The following MAPRE2 variants were observed in gnomAD, a reference collection of about 807,000 sequenced individuals.
MAPRE2 encodes microtubule associated protein RP/EB family member 2, also known as microtubule-associated protein RP/EB family member 2.
In MAPRE2, 13 loss-of-function variants were observed where a neutral mutation model predicts 43.2. That is an observed-to-expected ratio of 0.30 (90% CI 0.20 to 0.48). MAPRE2 has a LOEUF of 0.48. Ranked by LOEUF, MAPRE2 falls within the 20% of genes least tolerant of loss-of-function variation. The probability of loss-of-function intolerance (pLI) is 0.99; values close to 1 mark genes in which losing one functional copy is unlikely to be tolerated. For missense variants in MAPRE2, 161 were observed against 400.2 expected, an observed-to-expected ratio of 0.40 and a Z score of 5.10; for synonymous variants, 135 against 148.8, an observed-to-expected ratio of 0.91 and a Z score of 0.68.
chr18:34,982,126 G>C (rs746549863), intron 1 of MAPRE2, among the ~76,000 whole-genome samples: 1 of 151,924 alleles, frequency 6.6e-6, no homozygotes, highest in Non-Finnish European at 1.5e-5. Flanking sequence ...CTCGTAATCC[G>C]CCCACCTCGG....
chr18:35,041,379 G>T, upstream of MAPRE2: 1 of 1,473,594 alleles, frequency 6.8e-7, no homozygotes, highest in African/African-American at 1.4e-5. Flanking sequence ...CAGAGGGCGG[G>T]GCCGCAGGAG....
intron 1 of MAPRE2, among the ~76,000 whole-genome samples, chr18:34,980,261 G>T (rs1011739654): frequency 2.6e-5 from 4 of 151,926 alleles, no homozygotes; most frequent in Non-Finnish European, 5.9e-5. Flanking sequence ...CTGACCTGAG[G>T]TGATCCACCC....
intron 2 of MAPRE2, among the ~76,000 whole-genome samples, chr18:35,074,064 G>A (rs566018631): frequency 6.6e-6 from 1 of 152,230 alleles, no homozygotes; most frequent in South Asian, 2.1e-4. Context: ...TCAAGTAAAA[G>A]GTGAGCTATA....
intron 2 of MAPRE2, among the ~76,000 whole-genome samples, chr18:35,080,870 CTG>C (rs1344404202): frequency 6.6e-6 from 1 of 151,898 alleles, no homozygotes; most frequent in Non-Finnish European, 1.5e-5. Context: ...AGCAAATTAC[CTG>C]TGTTTGTCCC....
Position 35,132,018 on chromosome 18 carries a change from T to C in MAPRE2, c.751-14T>C. The C allele has an allele frequency of 6.2e-7, 1 of 1,613,482 alleles. No homozygotes were observed. The highest frequency in any genetic ancestry group is 8.5e-7 in the Non-Finnish European group (1 of 1,179,676). On this transcript the variant is annotated splice_polypyrimidine_tract_variant and intron_variant, in intron 5 of 6. Transcript: ENST00000300249. Reference sequence around the variant, plus strand: ...TTTGGGTGGTTTTTTTTCTTCACTCTCACTCCCTTGCAGGTACATTCATTA... The same window carrying C: ...TTTGGGTGGTTTTTTTTCTTCACTCCCACTCCCTTGCAGGTACATTCATTA...
chr18:35,104,129 G>A (rs760338572), intron 4 of MAPRE2, among the ~76,000 whole-genome samples: 8 of 152,082 alleles, frequency 5.3e-5, no homozygotes, highest in Non-Finnish European at 8.8e-5. Context: ...GTAGAAAGAG[G>A]GGTCACCAAC....
chr18:35,093,854 A>G (rs1322034907), intron 2 of MAPRE2, among the ~76,000 whole-genome samples: 1 of 152,206 alleles, frequency 6.6e-6, no homozygotes, highest in Non-Finnish European at 1.5e-5. Context: ...ATTCTGTTAT[A>G]CAGTATGGTG....
chr18:34,986,321 TAAC>T (rs1241188775), intron 1 of MAPRE2, among the ~76,000 whole-genome samples: 1 of 152,132 alleles, frequency 6.6e-6, no homozygotes, highest in Non-Finnish European at 1.5e-5. Context: ...CTGATCAATT[TAAC>T]AACATTTGAT....
At chr18:35,002,277 C>T (rs1401174388) in intron 1 of MAPRE2, among the ~76,000 whole-genome samples, 5 of 152,164 alleles carry the variant, frequency 3.3e-5, no homozygotes, top group Non-Finnish European at 5.9e-5. Flanking sequence ...ATAGTTGGTT[C>T]CTTCTTATTG....
At chr18:35,058,597 A>T (rs1401134576) in intron 1 of MAPRE2, among the ~76,000 whole-genome samples, 1 of 152,206 alleles carries the variant, frequency 6.6e-6, no homozygotes, top group Non-Finnish European at 1.5e-5. Context: ...GCACGATGTG[A>T]TGACTCCTAC....
intron 1 of MAPRE2, chr18:34,988,578 A>T (rs1313648496): frequency 6.6e-6 from 1 of 152,142 alleles, no homozygotes; most frequent in African/African-American, 2.4e-5. Context: ...TTGTTTAATG[A>T]TCTGCTTCAT....
chr18:35,089,915 A>G (rs1012556342), intron 2 of MAPRE2, among the ~76,000 whole-genome samples: 1 of 152,230 alleles, frequency 6.6e-6, no homozygotes, highest in Non-Finnish European at 1.5e-5. Flanking sequence ...GATCAGTAAA[A>G]TGTGGTAATT....
At chr18:35,117,442 G>A (rs1909465793) in intron 4 of MAPRE2, among the ~76,000 whole-genome samples, 1 of 152,184 alleles carries the variant, frequency 6.6e-6, no homozygotes, top group Non-Finnish European at 1.5e-5. Context: ...GAGTCTAAAG[G>A]ACAAGACATT....
chr18:35,075,655 G>T (rs982454158), intron 2 of MAPRE2, among the ~76,000 whole-genome samples: 2 of 151,770 alleles, frequency 1.3e-5, no homozygotes, highest in Admixed American at 1.3e-4. Context: ...AGTCTTTTTG[G>T]TTTTTTTGCT....
intron 5 of MAPRE2, 194 bp from the exon 6 acceptor site, chr18:35,131,838 C>T (rs1910162101): frequency 5.2e-6 from 3 of 579,734 alleles, no homozygotes; most frequent in Non-Finnish European, 9.2e-6. Context: ...GACCAGAGTG[C>T]TGTGGAGAAT....
intron 3 of MAPRE2, among the ~76,000 whole-genome samples, chr18:35,100,726 C>T (rs565154383): frequency 1.3e-5 from 2 of 152,130 alleles, no homozygotes; most frequent in Non-Finnish European, 2.9e-5. Flanking sequence ...CACAACTGGG[C>T]TACATATTAC....
At chr18:34,978,515 G>A (rs764635254) in intron 1 of MAPRE2, 10 of 1,551,574 alleles carry the variant, frequency 6.4e-6, no homozygotes, top group East Asian at 4.9e-5. Flanking sequence ...AGGACACTGT[G>A]GAATGAAACA....
At chr18:35,015,970 G>C (rs1370208134) in intron 2 of MAPRE2, among the ~76,000 whole-genome samples, 1 of 151,762 alleles carries the variant, frequency 6.6e-6, no homozygotes, top group Non-Finnish European at 1.5e-5. Flanking sequence ...CTGCACTCTA[G>C]TAGTCCCCAG....
intron 1 of MAPRE2, among the ~76,000 whole-genome samples, chr18:34,998,697 A>C (rs1011544261): frequency 2.0e-5 from 3 of 147,436 alleles, no homozygotes; most frequent in Non-Finnish European, 4.5e-5. Context: ...TCTTAACCTC[A>C]GGGGATCTGT....
Sources: gnomAD v4.1 joint callset for allele counts (sites outside exome capture counted in the v4.1 genomes callset) on GRCh38, gnomAD v4.1.1 for gene constraint, MANE v1.5 for transcripts, NCBI Gene and HGNC (gene_info 2026-07-23, HGNC 2026-07-21) for gene names.